Variants in KCNAB1 observed in about 807,000 individuals in gnomAD.
KCNAB1 encodes the protein voltage-gated potassium channel subunit beta-1.
Under a neutral mutation model 64.6 loss-of-function variants are expected in KCNAB1, and 35 were observed. The ratio of observed to expected loss-of-function variants is 0.54; its 90% CI spans 0.41 to 0.72. KCNAB1 has a LOEUF of 0.72. KCNAB1 is among the 30% of genes least tolerant of loss of function. KCNAB1 has a pLI of 0.00. For missense variants in KCNAB1, 401 were observed against 512.9 expected (o/e 0.78, Z 2.11); for synonymous variants, 177 against 183.8 (o/e 0.96, Z 0.30).
rs189052397 is a variant in KCNAB1 at position 156,329,794 on chromosome 3, G to A, written c.276-91822G>A. 2.5e-3 allele frequency among the ~76,000 whole-genome samples: 377 copies of A among 152,310 alleles called. 1 individual carries two copies. Among genetic ancestry groups the A allele is most frequent in the African/African-American group, 8.7e-3 (362 of 41,576 alleles). On this transcript the variant is annotated intron_variant, in intron 1 of 13. Transcript: ENST00000490337. ...ACCAGACTAGAGACTCTTAGCAAAT[G>A]TGGGTGTAGACACAACTCTCCTTTG... is the stretch of plus-strand genomic sequence containing the variant.
chr3:156,394,338 G>A (rs1316612947), intron 1 of KCNAB1, among the ~76,000 whole-genome samples: 2 of 152,176 alleles, frequency 1.3e-5, no homozygotes, highest in East Asian at 3.9e-4. Context: ...CTAAAAATGG[G>A]CCCACAAGAG....
intron 8 of KCNAB1, among the ~76,000 whole-genome samples, chr3:156,512,311 A>G (rs908718474): frequency 1.3e-5 from 2 of 152,332 alleles, no homozygotes; most frequent in Admixed American, 1.3e-4. Context: ...AAGAGTCACA[A>G]CTTCCACTCC....
intron 1 of KCNAB1, among the ~76,000 whole-genome samples, chr3:156,218,801 A>AAAAAAAAAAAATAAT (rs371264941): frequency 8.9e-5 from 10 of 112,214 alleles, no homozygotes; most frequent in South Asian, 3.0e-4. Context: ...AAAAAAAAAA[A>AAAAAAAAAAAATAAT]AATAATAATA....
At chr3:156,450,599 G>C (rs114667176) in intron 2 of KCNAB1, among the ~76,000 whole-genome samples, 1,755 of 152,278 alleles carry the variant, frequency 0.012, 27 homozygotes, top group African/African-American at 0.04. Context: ...GCATTCAAAA[G>C]AGACTCTTTT....
intron 1 of KCNAB1, among the ~76,000 whole-genome samples, chr3:156,398,351 G>T (rs574604855): frequency 3.9e-5 from 6 of 152,184 alleles, no homozygotes; most frequent in Non-Finnish European, 5.9e-5. Flanking sequence ...CCAGCACTTT[G>T]GGAGGCCGAG....
chr3:156,301,716 G>A (rs149942841), intron 1 of KCNAB1, among the ~76,000 whole-genome samples: 10 of 152,148 alleles, frequency 6.6e-5, no homozygotes, highest in Non-Finnish European at 1.0e-4. Context: ...CAAGAGGCTT[G>A]GATCTTAGTT....
At chr3:156,301,255 C>T (rs958363785) in intron 1 of KCNAB1, among the ~76,000 whole-genome samples, 1 of 151,910 alleles carries the variant, frequency 6.6e-6, no homozygotes, top group Non-Finnish European at 1.5e-5. Context: ...CAACAACAAC[C>T]TTGTTATAAA....
In KCNAB1 at chr3:156,536,907, G is replaced by A; in HGVS notation, c.*160G>A. 1.6e-6 allele frequency: 1 copy of A among 609,810 alleles called. No individual in the cohort carries two copies. The highest frequency in any genetic ancestry group is 2.9e-6 in the Non-Finnish European group (1 of 342,820). 37.8% of individuals were successfully genotyped at this position (609,810 alleles called of 1,614,324 possible). The stretch of plus-strand genomic sequence containing the variant: ...TGAGGTGTCTGCTGTCGCTACCACT[G>A]TGCACATCTGAAAACTCACAACCAA... On this transcript the variant is annotated 3_prime_UTR_variant, in exon 14 of 14. Coordinates refer to ENST00000490337, the MANE Select transcript of KCNAB1 (RefSeq NM_172160.3).
chr3:156,212,500 C>G (rs1326728798), intron 1 of KCNAB1, among the ~76,000 whole-genome samples: 1 of 152,092 alleles, frequency 6.6e-6, no homozygotes, highest in Non-Finnish European at 1.5e-5. Context: ...TACAATGGAG[C>G]AGAAACAGAT....
intron 8 of KCNAB1, among the ~76,000 whole-genome samples, chr3:156,476,697 G>A (rs1182075607): frequency 2.0e-5 from 3 of 152,012 alleles, no homozygotes; most frequent in South Asian, 2.1e-4. Flanking sequence ...GTAAACACGC[G>A]TGTTCTTTAA....
chr3:156,373,044 A>G (rs918151075), intron 1 of KCNAB1, among the ~76,000 whole-genome samples: 1 of 152,246 alleles, frequency 6.6e-6, no homozygotes, highest in Admixed American at 6.5e-5. Context: ...ATTATGTGTA[A>G]ATTATAAACG....
chr3:156,525,770 G>A (rs908640356), intron 12 of KCNAB1, among the ~76,000 whole-genome samples: 4 of 152,138 alleles, frequency 2.6e-5, no homozygotes, highest in Non-Finnish European at 5.9e-5. Flanking sequence ...TGCCTTGGCC[G>A]CCTAAAGTGC....
At chr3:156,459,032 A>G (rs1260197179) in intron 4 of KCNAB1, among the ~76,000 whole-genome samples, 6 of 152,236 alleles carry the variant, frequency 3.9e-5, no homozygotes, top group Admixed American at 6.5e-5. Flanking sequence ...CTTAAGACCA[A>G]TAATGACTAG....
chr3:156,425,690 A>T (rs1715767266), intron 2 of KCNAB1, among the ~76,000 whole-genome samples: 1 of 152,226 alleles, frequency 6.6e-6, no homozygotes, highest in Non-Finnish European at 1.5e-5. Context: ...ATGAAGCCAG[A>T]CATTGGTTAC....
chr3:156,423,844 G>T (rs949025547), intron 2 of KCNAB1, among the ~76,000 whole-genome samples: 5 of 152,194 alleles, frequency 3.3e-5, no homozygotes, highest in African/African-American at 1.2e-4. Flanking sequence ...GAGCTAAAAT[G>T]AGGGAGCTGA....
At chr3:156,507,429 C>T (rs528220861) in intron 8 of KCNAB1, among the ~76,000 whole-genome samples, 1 of 152,320 alleles carries the variant, frequency 6.6e-6, no homozygotes, top group Admixed American at 6.5e-5. Context: ...AGACATTCAG[C>T]AAACCTTTAA....
intron 1 of KCNAB1, among the ~76,000 whole-genome samples, chr3:156,215,036 A>G (rs1715232395): frequency 6.6e-6 from 1 of 152,260 alleles, no homozygotes; most frequent in Non-Finnish European, 1.5e-5. Context: ...CATAATTATT[A>G]TAAGAGTAAC....
chr3:156,296,633 C>G (rs1475525102), intron 1 of KCNAB1, among the ~76,000 whole-genome samples: 2 of 151,998 alleles, frequency 1.3e-5, no homozygotes, highest in Non-Finnish European at 2.9e-5. Context: ...ACCACCATGC[C>G]TGGCTAATGT....
At chr3:156,311,821 C>T (rs746773167) in intron 1 of KCNAB1, among the ~76,000 whole-genome samples, 1 of 152,176 alleles carries the variant, frequency 6.6e-6, no homozygotes, top group Non-Finnish European at 1.5e-5. Flanking sequence ...ACTCCTGAAT[C>T]TTTCCTCAGC....
Sources: allele counts gnomAD v4.1 joint callset (sites outside exome capture counted in the v4.1 genomes callset), GRCh38; gene constraint gnomAD v4.1.1; transcripts MANE v1.5; gene names NCBI Gene and HGNC (gene_info 2026-07-23, HGNC 2026-07-21).